The following EYS variants were observed in gnomAD, a reference collection of about 807,000 sequenced individuals.
EYS encodes protein eyes shut homolog.
In EYS, 250 loss-of-function variants were observed where a neutral mutation model predicts 282.1. The ratio of observed to expected loss-of-function variants is 0.89; its 90% CI spans 0.80 to 0.98. The LOEUF is 0.98. EYS is among the 50% of genes least tolerant of loss of function. The pLI is 0.00. For missense variants in EYS, 4,016 were observed against 3,709.0 expected, an observed-to-expected ratio of 1.08 and a Z score of -2.15; for synonymous variants, 1,355 against 1,282.9, an observed-to-expected ratio of 1.06 and a Z score of -1.20.
intron 30 of EYS, among the ~76,000 whole-genome samples, chr6:64,290,743 G>A (rs551704908): frequency 4.6e-5 from 7 of 151,784 alleles, no homozygotes; most frequent in South Asian, 2.1e-4. Context: ...TGTTCGAGTC[G>A]TAAGTGGCAA....
intron 31 of EYS, among the ~76,000 whole-genome samples, chr6:64,149,745 T>G (rs1774638624): frequency 6.6e-6 from 1 of 152,190 alleles, no homozygotes; most frequent in Non-Finnish European, 1.5e-5. Flanking sequence ...TATTCAGATC[T>G]TTCTGACTTT....
intron 26 of EYS, among the ~76,000 whole-genome samples, chr6:64,501,799 G>T (rs1439604701): frequency 6.6e-6 from 1 of 152,102 alleles, no homozygotes; most frequent in African/African-American, 2.4e-5. Context: ...TCAAAAATGG[G>T]CAAGTGAGCT....
intron 33 of EYS, among the ~76,000 whole-genome samples, chr6:64,030,948 C>G (rs1249880431): frequency 6.6e-6 from 1 of 152,238 alleles, no homozygotes; most frequent in Non-Finnish European, 1.5e-5. Context: ...GGTCATCGGC[C>G]AAATTCCCAA....
chr6:65,087,439 A>G (rs191093381), intron 12 of EYS, among the ~76,000 whole-genome samples: 47 of 152,180 alleles, frequency 3.1e-4, no homozygotes, highest in African/African-American at 1.1e-3. Context: ...ACAATTCCTT[A>G]CTTCTTGAAT....
intron 13 of EYS, among the ~76,000 whole-genome samples, chr6:65,041,997 A>T (rs1433693059): frequency 6.6e-6 from 1 of 151,692 alleles, no homozygotes; most frequent in Non-Finnish European, 1.5e-5. Flanking sequence ...TGTAACAAAC[A>T]ACTGACTTAG....
intron 12 of EYS, among the ~76,000 whole-genome samples, chr6:65,236,537 G>C (rs560936869): frequency 1.3e-5 from 2 of 152,220 alleles, no homozygotes; most frequent in African/African-American, 4.8e-5. Context: ...GAACCTGGGA[G>C]GTGGAGGTTG....
chr6:63,965,865 A>C (rs955265440), intron 35 of EYS, among the ~76,000 whole-genome samples: 3 of 152,190 alleles, frequency 2.0e-5, no homozygotes, highest in Admixed American at 2.0e-4. Context: ...GTGCCAGTGA[A>C]AAGAATCATG....
chr6:64,034,677 T>G (rs1488446449), intron 33 of EYS, among the ~76,000 whole-genome samples: 1 of 152,128 alleles, frequency 6.6e-6, no homozygotes, highest in Non-Finnish European at 1.5e-5. Flanking sequence ...CGACCAAGTT[T>G]GGGAATCTCT....
chr6:65,168,332 G>A (rs1765023937), intron 12 of EYS, among the ~76,000 whole-genome samples: 1 of 151,174 alleles, frequency 6.6e-6, no homozygotes, highest in African/African-American at 2.4e-5. Flanking sequence ...AGTCTTAGTC[G>A]ATTTAGGGCT....
intron 12 of EYS, among the ~76,000 whole-genome samples, chr6:65,147,225 T>A (rs1764501864): frequency 6.6e-6 from 1 of 152,040 alleles, no homozygotes; most frequent in Admixed American, 6.6e-5. Context: ...ATGACAAATA[T>A]TTGTAAATAC....
At chr6:63,755,744 T>C (rs1769463104) in intron 41 of EYS, among the ~76,000 whole-genome samples, 3 of 152,236 alleles carry the variant, frequency 2.0e-5, no homozygotes, top group Admixed American at 2.0e-4. Flanking sequence ...TTCACAATAA[T>C]GATTCTTCCT....
intron 31 of EYS, among the ~76,000 whole-genome samples, chr6:64,206,682 G>T (rs1294398449): frequency 6.6e-6 from 1 of 152,142 alleles, no homozygotes; most frequent in Non-Finnish European, 1.5e-5. Flanking sequence ...ACTGATGCAT[G>T]TTTCACACCG....
intron 22 of EYS, among the ~76,000 whole-genome samples, chr6:64,739,134 C>G (rs1262025497): frequency 6.6e-6 from 1 of 152,168 alleles, no homozygotes; most frequent in Non-Finnish European, 1.5e-5. Flanking sequence ...TAGCCTCAGA[C>G]AATCAAATAC....
chr6:65,131,251 A>G (rs1775867039), intron 12 of EYS, among the ~76,000 whole-genome samples: 1 of 151,634 alleles, frequency 6.6e-6, no homozygotes, highest in Non-Finnish European at 1.5e-5. Context: ...AGTAAGGGGG[A>G]AAGCCAGAAA....
At chr6:64,516,023 T>C (rs1015685942) in intron 26 of EYS, among the ~76,000 whole-genome samples, 1 of 151,800 alleles carries the variant, frequency 6.6e-6, no homozygotes, top group African/African-American at 2.4e-5. Flanking sequence ...ATGTAATTAA[T>C]TTATAATAAT....
chr6:63,875,814 G>A (rs1477638058), intron 35 of EYS, among the ~76,000 whole-genome samples: 1 of 152,148 alleles, frequency 6.6e-6, no homozygotes, highest in African/African-American at 2.4e-5. Context: ...GATCGGTGGT[G>A]ATATCCCCTT....
chr6:64,002,422 A>G (rs1352516186), intron 33 of EYS, among the ~76,000 whole-genome samples: 1 of 152,220 alleles, frequency 6.6e-6, no homozygotes, highest in African/African-American at 2.4e-5. Flanking sequence ...CAGAGGGCCC[A>G]CTGAGCTGAT....
chr6:64,465,474 T>C (rs544145043), intron 26 of EYS, among the ~76,000 whole-genome samples: 4 of 152,224 alleles, frequency 2.6e-5, no homozygotes, highest in African/African-American at 9.6e-5. Context: ...TTAAGGCCAA[T>C]GAATTTTGGC....
intron 12 of EYS, among the ~76,000 whole-genome samples, chr6:65,288,763 T>C (rs1768440618): frequency 6.6e-6 from 1 of 151,184 alleles, no homozygotes. Flanking sequence ...ATTTTAAAGA[T>C]ATATGGAATA....
Sources: allele counts gnomAD v4.1 joint callset (sites outside exome capture counted in the v4.1 genomes callset), GRCh38; gene constraint gnomAD v4.1.1; transcripts MANE v1.5; gene names NCBI Gene and HGNC (gene_info 2026-07-23, HGNC 2026-07-21).